The following DAB1 variants were observed in gnomAD, a reference collection of about 807,000 sequenced individuals.
The protein encoded by DAB1 is disabled homolog 1.
A neutral mutation model predicts 64.6 loss-of-function variants in DAB1; 15 were observed. The ratio of observed to expected loss-of-function variants is 0.23; its 90% confidence interval spans 0.16 to 0.36. The LOEUF is 0.36. Ranked by LOEUF, DAB1 falls within the 10% of genes least tolerant of loss-of-function variation. DAB1 has a pLI of 1.00. For synonymous variants in DAB1, 235 were observed against 251.9 expected (o/e 0.93, Z 0.64); for missense variants, 596 against 706.7 (o/e 0.84, Z 1.78).
rs528455131 is a variant in DAB1, at chr1:57,222,893, G to T, written c.67+68071C>A. Among the ~76,000 whole-genome samples, 228 of 152,188 alleles carry T rather than the reference G, an allele frequency of 1.5e-3. 1 individual carries two copies. Among genetic ancestry groups the T allele is most frequent in the African/African-American group, 5.2e-3 (217 of 41,518 alleles). On this transcript the variant is annotated intron_variant, in intron 2 of 14. Transcript: ENST00000371236. ...ACTTTTCTTACAAAGTAAATAATTT[G>T]CACTTGTTCATACTTTATCATTAAT...
In DAB1 at chr1:57,440,072, G is replaced by A. The variant is rs974610028; in HGVS notation, n.626-148906C>T. ...TTGCCTCCATTACTTTGCTCATACT[G>A]TTTCCTCCTCTAGGCTTTTTCTTGC... On this transcript the variant is annotated intron_variant and non_coding_transcript_variant, in intron 7 of 20. Coordinates refer to the DAB1 transcript ENST00000485760. Among the ~76,000 whole-genome samples the A allele has an allele frequency of 5.3e-5, 8 of 151,982 alleles. 1 individual carries two copies. The highest frequency in any genetic ancestry group is 8.8e-5 in the Non-Finnish European group (6 of 68,012).
At chr1:58,465,337 AG>A (rs1645285649) in intron 3 of DAB1, among the ~76,000 whole-genome samples, 3 of 152,168 alleles carry the variant, frequency 2.0e-5, no homozygotes, top group South Asian at 4.2e-4. Context: ...CCTGGGTTTG[AG>A]CCTGGCTAGG....
intron 5 of DAB1, among the ~76,000 whole-genome samples, chr1:57,938,340 T>C (rs536145311): frequency 2.0e-5 from 3 of 152,330 alleles, no homozygotes; most frequent in East Asian, 1.9e-4. Flanking sequence ...CCCTATTATA[T>C]GGTTTGGCTG....
intron 4 of DAB1, among the ~76,000 whole-genome samples, chr1:58,304,902 T>G (rs10493250): frequency 0.022 from 3,407 of 152,258 alleles, 193 homozygotes; most frequent in East Asian, 0.22. Flanking sequence ...ATTATAAGGA[T>G]AGCATTTACT....
At chr1:58,048,284 C>T in intron 5 of DAB1, 15 of 1,266,064 alleles carry the variant, frequency 1.2e-5, no homozygotes, top group East Asian at 2.3e-5. Flanking sequence ...GGGGCCAGAG[C>T]TTCTGCCTCC....
chr1:57,560,595 C>T (rs1003270574), intron 7 of DAB1, among the ~76,000 whole-genome samples: 1 of 152,196 alleles, frequency 6.6e-6, no homozygotes, highest in African/African-American at 2.4e-5. Flanking sequence ...GTGTGTTACT[C>T]CAGCCCATTT....
intron 3 of DAB1, among the ~76,000 whole-genome samples, chr1:58,487,348 A>C (rs535100194): frequency 1.6e-4 from 25 of 152,244 alleles, no homozygotes; most frequent in Non-Finnish European, 3.4e-4. Context: ...ATTTGAGGAT[A>C]ATTAACTTGC....
intron 3 of DAB1, among the ~76,000 whole-genome samples, chr1:58,490,607 C>A (rs1426787432): frequency 2.6e-5 from 4 of 151,974 alleles, no homozygotes; most frequent in African/African-American, 9.7e-5. Flanking sequence ...CAAAGATACT[C>A]CTCGAGAAGA....
intron 3 of DAB1, 52 bp downstream of exon 3, chr1:57,145,238 T>C (rs2100823618): frequency 1.3e-5 from 20 of 1,571,172 alleles, no homozygotes; most frequent in Middle Eastern, 1.7e-4. Flanking sequence ...TCACTTCTTT[T>C]CCTCATTCAC....
intron 4 of DAB1, among the ~76,000 whole-genome samples, chr1:57,114,211 C>T (rs769649060): frequency 6.6e-6 from 1 of 152,160 alleles, no homozygotes; most frequent in African/African-American, 2.4e-5. Flanking sequence ...TGTGAATAGA[C>T]CGCTACAGAT....
chr1:57,423,555 T>A (rs7519071), intron 1 of DAB1, among the ~76,000 whole-genome samples: 25,743 of 150,696 alleles, frequency 0.17, 3,234 homozygotes, highest in African/African-American at 0.36. Context: ...AGGCTCGAGG[T>A]CCGATATAGC....
chr1:57,831,130 G>A (rs1351420404), intron 1 of DAB1, among the ~76,000 whole-genome samples: 1 of 152,112 alleles, frequency 6.6e-6, no homozygotes, highest in East Asian at 1.9e-4. Flanking sequence ...AGCCAGGATG[G>A]TCTTGATCTC....
intron 4 of DAB1, among the ~76,000 whole-genome samples, chr1:58,200,297 C>A (rs553614538): frequency 2.0e-4 from 30 of 152,260 alleles, no homozygotes; most frequent in African/African-American, 7.2e-4. Context: ...CAAGGTCACC[C>A]AGATAAATGT....
intron 4 of DAB1, among the ~76,000 whole-genome samples, chr1:57,130,894 C>T (rs1474159063): frequency 6.6e-6 from 1 of 152,098 alleles, no homozygotes; most frequent in Non-Finnish European, 1.5e-5. Flanking sequence ...ATAGGGTTAG[C>T]TTTTTAAATT....
rs572232368 is a variant in DAB1, at chr1:57,070,786, C to A, written c.597+237G>T. The A allele has an allele frequency of 8.7e-5, 47 of 541,806 alleles. No homozygotes were observed. In the South Asian group the frequency reaches 9.6e-4, roughly 11 times the overall value. The allele number at this position is 541,806 out of a possible 1,614,324, so 33.6% of individuals were successfully genotyped here. ...TTACAGACTGTGAAGGGGGCCGAGG[C>A]AGAGGCAAGAAGGGAGAAGCGGATC... is the stretch of plus-strand genomic sequence containing the variant. On this transcript the variant is annotated intron_variant, in intron 7 of 14. Transcript: ENST00000371236.
chr1:57,741,746 G>A (rs1570785724), intron 6 of DAB1, among the ~76,000 whole-genome samples: 1 of 152,336 alleles, frequency 6.6e-6, no homozygotes, highest in East Asian at 1.9e-4. Flanking sequence ...CCACTGCCGA[G>A]TGAGAAATAC....
intron 3 of DAB1, among the ~76,000 whole-genome samples, chr1:58,491,288 C>T (rs186051238): frequency 4.7e-4 from 71 of 152,218 alleles, no homozygotes; most frequent in African/African-American, 1.6e-3. Flanking sequence ...AAGGAACAAC[C>T]GGTACCAGCC....
At chr1:58,046,526 T>G (rs1319906595) in intron 5 of DAB1, among the ~76,000 whole-genome samples, 1 of 152,212 alleles carries the variant, frequency 6.6e-6, no homozygotes, top group Non-Finnish European at 1.5e-5. Flanking sequence ...AGGAAGGATG[T>G]GAGTAAAGTA....
At chr1:57,893,149 A>G (rs1409514675) in intron 5 of DAB1, among the ~76,000 whole-genome samples, 1 of 152,034 alleles carries the variant, frequency 6.6e-6, no homozygotes, top group East Asian at 1.9e-4. Context: ...CCTCACAGTC[A>G]TCTTTCTCAA....
Sources: gnomAD v4.1 joint callset for allele counts (sites outside exome capture counted in the v4.1 genomes callset) on GRCh38, gnomAD v4.1.1 for gene constraint, MANE v1.5 for transcripts, NCBI Gene and HGNC (gene_info 2026-07-23, HGNC 2026-07-21) for gene names.